DOCK1: variants seen among roughly 807,000 people sequenced by gnomAD.
DOCK1 encodes dedicator of cytokinesis protein 1.
A neutral mutation model predicts 262.7 loss-of-function variants in DOCK1; 138 were observed. That is an observed-to-expected ratio of 0.53 (90% CI 0.46 to 0.61). The LOEUF is 0.61. Among genes scored for constraint, DOCK1 ranks in the 20% least tolerant of loss-of-function variants. The pLI, the probability that DOCK1 is intolerant of heterozygous loss-of-function variation, is 0.00. For synonymous variants in DOCK1, 866 were observed against 867.4 expected, an observed-to-expected ratio of 1.00 and a Z score of 0.03; for missense variants, 1,908 against 2,370.7, an observed-to-expected ratio of 0.80 and a Z score of 4.05.
At chr10:127,225,880 C>A (rs1466463614) in intron 27 of DOCK1, among the ~76,000 whole-genome samples, 1 of 151,932 alleles carries the variant, frequency 6.6e-6, no homozygotes, top group East Asian at 1.9e-4. Flanking sequence ...AGTTGGAGAC[C>A]AGCCTGACTA....
chr10:126,906,069 G>C (rs1461774895), intron 1 of DOCK1, among the ~76,000 whole-genome samples: 1 of 152,060 alleles, frequency 6.6e-6, no homozygotes, highest in Non-Finnish European at 1.5e-5. Flanking sequence ...TCCCGGCGGG[G>C]AGGAGGGGGC....
At chr10:127,115,272 C>A (rs1175484702) in intron 25 of DOCK1, among the ~76,000 whole-genome samples, 2 of 152,160 alleles carry the variant, frequency 1.3e-5, no homozygotes, top group Non-Finnish European at 2.9e-5. Flanking sequence ...AGGTAGAGGG[C>A]CTGTGATGCA....
intron 27 of DOCK1, among the ~76,000 whole-genome samples, chr10:127,203,161 G>C (rs2057548540): frequency 6.6e-6 from 1 of 152,160 alleles, no homozygotes; most frequent in Non-Finnish European, 1.5e-5. Context: ...CTATTAAAAT[G>C]ATTCATCACA....
chr10:127,263,314 A>G (rs529565931), intron 29 of DOCK1, among the ~76,000 whole-genome samples: 5 of 32,628 alleles, frequency 1.5e-4, no homozygotes, highest in South Asian at 5.3e-4. Context: ...ACCATATTCT[A>G]TGTCTTTATC....
chr10:127,418,713 A>G (rs1197985868), intron 45 of DOCK1, among the ~76,000 whole-genome samples, 172 bp downstream of exon 45: 2 of 152,212 alleles, frequency 1.3e-5, no homozygotes, highest in Non-Finnish European at 2.9e-5. Flanking sequence ...AGCCTGCAGC[A>G]AGGTCAAGGC....
chr10:127,329,026 A>G (rs1376465358), intron 29 of DOCK1, among the ~76,000 whole-genome samples: 1 of 152,128 alleles, frequency 6.6e-6, no homozygotes, highest in Non-Finnish European at 1.5e-5. Context: ...TTATAAGTGT[A>G]TCATTCAATG....
At chr10:127,128,096 AG>A (rs534986823) in intron 27 of DOCK1, 96 of 167,934 alleles carry the variant, frequency 5.7e-4, no homozygotes, top group South Asian at 1.9e-3. Context: ...GACCCTAAAA[AG>A]TAATTGAGAT....
chr10:126,949,612 A>G (rs989852361), intron 1 of DOCK1, among the ~76,000 whole-genome samples: 16 of 152,234 alleles, frequency 1.1e-4, no homozygotes, highest in Non-Finnish European at 1.6e-4. Flanking sequence ...CGGGTGTTGA[A>G]TGTCCTTTCT....
At chr10:127,241,217 G>T (rs1035779639) in intron 27 of DOCK1, among the ~76,000 whole-genome samples, 4 of 152,156 alleles carry the variant, frequency 2.6e-5, no homozygotes, top group African/African-American at 9.7e-5. Context: ...TACTCCGGAG[G>T]CTGAGGCAGG....
At chr10:127,439,474 G>A (rs779315331) in intron 49 of DOCK1, among the ~76,000 whole-genome samples, 8 of 152,156 alleles carry the variant, frequency 5.3e-5, no homozygotes, top group African/African-American at 7.2e-5. Context: ...GGGCGAGGCC[G>A]CTCTGCTGCT....
intron 27 of DOCK1, among the ~76,000 whole-genome samples, chr10:127,222,475 T>C (rs2058472672): frequency 6.6e-6 from 1 of 152,220 alleles, no homozygotes; most frequent in South Asian, 2.1e-4. Context: ...TGTAGTCAGG[T>C]TTTTAAAAAA....
chr10:127,084,929 C>T (rs752252320), intron 23 of DOCK1, among the ~76,000 whole-genome samples: 5 of 152,156 alleles, frequency 3.3e-5, no homozygotes, highest in African/African-American at 4.8e-5. Context: ...GCATTGAGAC[C>T]ACCTTAGCCT....
intron 27 of DOCK1, among the ~76,000 whole-genome samples, chr10:127,228,347 C>A (rs1211458158): frequency 6.6e-6 from 1 of 152,144 alleles, no homozygotes; most frequent in Non-Finnish European, 1.5e-5. Flanking sequence ...CCCACGCTGC[C>A]CGGCCCGGAG....
intron 27 of DOCK1, among the ~76,000 whole-genome samples, chr10:127,151,320 G>GAAAT (rs1345662125): frequency 3.3e-5 from 5 of 152,104 alleles, no homozygotes; most frequent in African/African-American, 1.2e-4. Flanking sequence ...AGGACTCAAT[G>GAAAT]AAATAAAGAC....
chr10:127,390,926 G>A (rs567402690), intron 38 of DOCK1, among the ~76,000 whole-genome samples: 3 of 152,076 alleles, frequency 2.0e-5, no homozygotes, highest in Non-Finnish European at 4.4e-5. Flanking sequence ...CCTGTTGGAC[G>A]GTGCTGCTCT....
At chr10:127,325,412 C>T (rs2062710523) in intron 29 of DOCK1, among the ~76,000 whole-genome samples, 1 of 152,182 alleles carries the variant, frequency 6.6e-6, no homozygotes, top group South Asian at 2.1e-4. Flanking sequence ...GCAATGTGAG[C>T]TTATTTAATG....
At chr10:127,231,246 T>TC (rs1156369631) in intron 27 of DOCK1, among the ~76,000 whole-genome samples, 1 of 151,808 alleles carries the variant, frequency 6.6e-6, no homozygotes, top group African/African-American at 2.4e-5. Context: ...CAAGGCTTTT[T>TC]TTTTTTTTTA....
chr10:127,061,198 A>G (rs1039355599), intron 22 of DOCK1, among the ~76,000 whole-genome samples: 27 of 152,224 alleles, frequency 1.8e-4, no homozygotes, highest in African/African-American at 6.3e-4. Flanking sequence ...ATTGCACTCC[A>G]GCCTGGGTGA....
intron 21 of DOCK1, among the ~76,000 whole-genome samples, chr10:127,048,422 TG>T (rs1187672283): frequency 6.6e-6 from 1 of 152,174 alleles, no homozygotes; most frequent in Non-Finnish European, 1.5e-5. Context: ...TATTTTTTTT[TG>T]TCAGACATGA....
Sources: allele counts gnomAD v4.1 joint callset (sites outside exome capture counted in the v4.1 genomes callset), GRCh38; gene constraint gnomAD v4.1.1; transcripts MANE v1.5; gene names NCBI Gene and HGNC (gene_info 2026-07-23, HGNC 2026-07-21).